The following ZBTB40 variants were observed in gnomAD, a reference collection of about 807,000 sequenced individuals.
The protein encoded by ZBTB40 is zinc finger and BTB domain-containing protein 40.
Under a neutral mutation model 117.5 loss-of-function variants are expected in ZBTB40, and 60 were observed. That is an observed-to-expected ratio of 0.51 (90% confidence interval 0.41 to 0.63). The LOEUF (loss-of-function observed/expected upper bound fraction) is 0.63. Among genes scored for constraint, ZBTB40 ranks in the 30% least tolerant of loss-of-function variants. The probability of loss-of-function intolerance (pLI) is 0.00; values close to 1 mark genes in which losing one functional copy is unlikely to be tolerated. For missense variants in ZBTB40, 1,287 were observed against 1,498.5 expected (o/e 0.86, Z 2.33); for synonymous variants, 525 against 577.1 (o/e 0.91, Z 1.29).
chr1:22,524,177 T>A, intron 16 of ZBTB40, 41 bp from the exon 17 acceptor site: 3 of 1,594,888 alleles, frequency 1.9e-6, no homozygotes, highest in Non-Finnish European at 2.6e-6. Context: ...ACCCAGAGAA[T>A]TTTACCCACA....
At chr1:22,477,789 C>T (rs923596348) in intron 1 of ZBTB40, among the ~76,000 whole-genome samples, 2 of 152,130 alleles carry the variant, frequency 1.3e-5, no homozygotes, top group Non-Finnish European at 2.9e-5. Context: ...CTCAAGTGAT[C>T]CTCCCGCCTC....
upstream of ZBTB40, among the ~76,000 whole-genome samples, chr1:22,448,033 G>A (rs1640809598): frequency 6.6e-6 from 1 of 152,202 alleles, no homozygotes; most frequent in African/African-American, 2.4e-5. Flanking sequence ...TGACCGGACA[G>A]CAGCTGTGCA....
intron 1 of ZBTB40, among the ~76,000 whole-genome samples, chr1:22,433,204 CA>C (rs1640620272): frequency 6.6e-6 from 1 of 151,836 alleles, no homozygotes; most frequent in African/African-American, 2.4e-5. Context: ...GAAGCCGAGG[CA>C]GGTGGATCAC....
At chr1:22,453,452 T>C (rs1211145075) in intron 1 of ZBTB40, among the ~76,000 whole-genome samples, 1 of 152,220 alleles carries the variant, frequency 6.6e-6, no homozygotes, top group African/African-American at 2.4e-5. Context: ...TGCCCTTCCA[T>C]GGAATTTAAA....
chr1:22,450,518 A>C (rs1030539268), upstream of ZBTB40, among the ~76,000 whole-genome samples: 1 of 152,210 alleles, frequency 6.6e-6, no homozygotes, highest in Non-Finnish European at 1.5e-5. Context: ...TGAGGACAAC[A>C]GTGTACCCTG....
In ZBTB40 at chr1:22,508,026, G is replaced by A; in HGVS notation, c.1386G>A (p.Gly462=). Residue 462 remains glycine, a synonymous_variant, in exon 7 of 18, where the codon GGG becomes GGA. Coordinates refer to ENST00000375647, the MANE Select transcript of ZBTB40 (RefSeq NM_014870.4). ...TTVQPSPDDY[G]TELLRRYHEN... ...TCCAACCAAGCCCTGATGATTATGGGACTGAGCTATTGAGACGCTATCATG... is the reference window on the plus strand; with the variant it reads ...TCCAACCAAGCCCTGATGATTATGGAACTGAGCTATTGAGACGCTATCATG... 1.2e-6 allele frequency: 2 copies of A among 1,614,078 alleles called. No homozygotes were observed. Among genetic ancestry groups the A allele is most frequent in the Non-Finnish European group, 1.7e-6 (2 of 1,180,038 alleles).
intron 3 of ZBTB40, among the ~76,000 whole-genome samples, chr1:22,494,385 C>G (rs1262187856): frequency 6.6e-6 from 1 of 152,176 alleles, no homozygotes; most frequent in Non-Finnish European, 1.5e-5. Context: ...GGGGTAGTGT[C>G]TAGTACGTAG....
chr1:22,519,227 T>C (rs900823726), intron 13 of ZBTB40, among the ~76,000 whole-genome samples: 11 of 152,262 alleles, frequency 7.2e-5, no homozygotes, highest in Admixed American at 3.9e-4. Context: ...AACATTTTGA[T>C]TTCTGTTGCT....
intron 1 of ZBTB40, among the ~76,000 whole-genome samples, chr1:22,446,619 T>C (rs1640792585): frequency 6.6e-6 from 1 of 151,204 alleles, no homozygotes; most frequent in Admixed American, 6.6e-5. Context: ...CAGAAGAAAA[T>C]GAAGAGAAAC....
At chr1:22,436,542 A>G (rs1270037553) in intron 1 of ZBTB40, among the ~76,000 whole-genome samples, 1 of 152,136 alleles carries the variant, frequency 6.6e-6, no homozygotes, top group East Asian at 1.9e-4. Flanking sequence ...AAATAAAAAT[A>G]AATACTCATA....
intron 1 of ZBTB40, among the ~76,000 whole-genome samples, chr1:22,486,173 ATAGCTAGGCCTTTAGTGATGTGG>A (rs2124424597): frequency 6.6e-6 from 1 of 152,314 alleles, no homozygotes; most frequent in African/African-American, 2.4e-5. Flanking sequence ...AGGAACTGCT[ATAGCTAGGCCTTTAGTGATGTGG>A]TAGTAGGGTG....
Position 22,530,138 on chromosome 1 carries a change from G to A in ZBTB40, c.*3742G>A, listed in dbSNP as rs1639791775. The stretch of plus-strand genomic sequence containing the variant: ...TGGGCAGGCGGTTCCAGGGAGACAA[G>A]CAGCATGTTATTAAATTGGGCCTAG... On this transcript the variant is annotated 3_prime_UTR_variant, in exon 18 of 18. Coordinates refer to ENST00000375647, the MANE Select transcript of ZBTB40 (RefSeq NM_014870.4). The A allele has an allele frequency of 6.6e-6, 1 of 152,304 alleles. No individual in the cohort carries two copies. Among genetic ancestry groups the A allele is most frequent in the Admixed American group, 6.5e-5 (1 of 15,270 alleles). The allele number at this position is 152,304 out of a possible 1,614,324, so 9.4% of individuals were successfully genotyped here. A position where few individuals can be genotyped will look rare whatever the true frequency, so the allele number is the denominator to read the frequency against.
rs142392200 is a variant in ZBTB40 at position 22,520,500 on chromosome 1, G to A, written c.3048+225G>A. Among the ~76,000 whole-genome samples, 782 of 152,294 alleles carry A rather than the reference G, an allele frequency of 5.1e-3. 3 individuals carry two copies. The highest frequency in any genetic ancestry group is 7.6e-3 in the Non-Finnish European group (514 of 68,024). ...CATTATTGGAGCAGAGAGTTCATAC[G>A]CTTCTTCTCTTAGACAGCAGACTTG... is the stretch of plus-strand genomic sequence containing the variant. On this transcript the variant is annotated intron_variant, in intron 14 of 17. Coordinates refer to ENST00000375647, the MANE Select transcript of ZBTB40 (RefSeq NM_014870.4).
intron 3 of ZBTB40, among the ~76,000 whole-genome samples, chr1:22,497,934 C>T (rs1638823153): frequency 2.0e-5 from 3 of 152,120 alleles, no homozygotes; most frequent in Admixed American, 1.3e-4. Context: ...TTGCCATCAC[C>T]CAGCCCTCAG....
intron 1 of ZBTB40, among the ~76,000 whole-genome samples, chr1:22,484,245 T>A (rs1638404694): frequency 6.6e-6 from 1 of 152,240 alleles, no homozygotes; most frequent in Non-Finnish European, 1.5e-5. Flanking sequence ...ATGGGGAAGA[T>A]CTGAGTCTCT....
chr1:22,437,037 G>A (rs931859459), intron 1 of ZBTB40, among the ~76,000 whole-genome samples: 2 of 152,132 alleles, frequency 1.3e-5, no homozygotes, highest in African/African-American at 4.8e-5. Flanking sequence ...TGATGAAAAT[G>A]TTCTAGGATG....
In ZBTB40 at chr1:22,511,297, A is replaced by G. The variant is rs1318411669; in HGVS notation, c.1952A>G (p.His651Arg). ...ATATGCCACCTCCTGTGCAGTGTCC[A>G]CAAATCTTTTCCAGGCCTGCAGCCT... The part of the protein sequence containing the change: ...IEICHLLCSV[H>R]KSFPGLQPVM... The change falls in exon 10 of 18, where the codon CAC becomes CGC. Residue 651 changes from histidine to arginine, a missense_variant. By Grantham distance (29) the His-to-Arg change is conservative. Around this residue, in one of 2 missense-constraint regions of ZBTB40, gnomAD observed 870 missense variants for 934.4 expected, o/e 0.93. Coordinates refer to ENST00000375647, the MANE Select transcript of ZBTB40 (RefSeq NM_014870.4). 6.2e-7 allele frequency: 1 copy of G among 1,613,978 alleles called. No individual in the cohort carries two copies. The highest frequency in any genetic ancestry group is 1.3e-5 in the African/African-American group (1 of 74,880).
intron 2 of ZBTB40, among the ~76,000 whole-genome samples, chr1:22,490,930 C>G (rs949061565): frequency 1.3e-5 from 2 of 152,238 alleles, no homozygotes; most frequent in South Asian, 2.1e-4. Context: ...GAGTCTTGTT[C>G]TGTTGCCCAG....
intron 3 of ZBTB40, among the ~76,000 whole-genome samples, chr1:22,497,903 C>T (rs1031036971): frequency 2.6e-5 from 4 of 152,084 alleles, no homozygotes; most frequent in African/African-American, 7.2e-5. Flanking sequence ...TGATGTGGAG[C>T]GATTGTAGTC....
Sources: gnomAD v4.1 joint callset for allele counts (sites outside exome capture counted in the v4.1 genomes callset) on GRCh38, gnomAD v4.1.1 for gene constraint, gnomAD v4.1.1 regional missense constraint, MANE v1.5 for transcripts, NCBI Gene and HGNC (gene_info 2026-07-23, HGNC 2026-07-21) for gene names.